Variants in DIAPH3 observed in about 807,000 individuals in gnomAD.
DIAPH3 encodes protein diaphanous homolog 3.
In DIAPH3, 117 loss-of-function variants were observed where a neutral mutation model predicts 144.3. The observed-to-expected ratio is 0.81, with a 90% CI of 0.70 to 0.95. The LOEUF is 0.95. Among genes scored for constraint, DIAPH3 ranks in the 40% least tolerant of loss-of-function variants. The pLI, the probability that DIAPH3 is intolerant of heterozygous loss-of-function variation, is 0.00. For missense variants in DIAPH3, 1,421 were observed against 1,412.7 expected, an observed-to-expected ratio of 1.01 and a Z score of -0.09; for synonymous variants, 519 against 488.9, an observed-to-expected ratio of 1.06 and a Z score of -0.81.
intron 1 of DIAPH3, among the ~76,000 whole-genome samples, chr13:60,137,304 C>T (rs1375293246): frequency 1.3e-5 from 2 of 152,146 alleles, no homozygotes; most frequent in African/African-American, 2.4e-5. Flanking sequence ...TTAAGCAATG[C>T]ATCAAAACTT....
intron 14 of DIAPH3, among the ~76,000 whole-genome samples, chr13:59,976,916 T>A (rs2050708869): frequency 6.6e-6 from 1 of 151,876 alleles, no homozygotes; most frequent in Admixed American, 6.6e-5. Flanking sequence ...CTACAAGATT[T>A]GTTTTTTGAA....
At chr13:59,690,577 G>A (rs1023139375) in intron 27 of DIAPH3, among the ~76,000 whole-genome samples, 1 of 152,094 alleles carries the variant, frequency 6.6e-6, no homozygotes, top group Non-Finnish European at 1.5e-5. Context: ...GCTACATTAT[G>A]GGTTAAATAG....
At chr13:59,926,139 C>T (rs1452818229) in intron 17 of DIAPH3, among the ~76,000 whole-genome samples, 1 of 151,980 alleles carries the variant, frequency 6.6e-6, no homozygotes, top group Non-Finnish European at 1.5e-5. Flanking sequence ...ATGTGTGCCA[C>T]CACATTCAGC....
chr13:59,964,961 C>T (rs780978802), intron 17 of DIAPH3, among the ~76,000 whole-genome samples: 6 of 152,084 alleles, frequency 3.9e-5, no homozygotes, highest in Non-Finnish European at 5.9e-5. Flanking sequence ...TATTAGCATG[C>T]ATTACAAAAA....
chr13:59,756,895 A>G (rs1012833844), intron 27 of DIAPH3, among the ~76,000 whole-genome samples: 2 of 152,216 alleles, frequency 1.3e-5, no homozygotes, highest in African/African-American at 4.8e-5. Flanking sequence ...AATCATCACA[A>G]ACAGTAATAA....
At chr13:60,126,115 A>C (rs998761575) in intron 2 of DIAPH3, among the ~76,000 whole-genome samples, 4 of 152,216 alleles carry the variant, frequency 2.6e-5, no homozygotes, top group African/African-American at 9.6e-5. Context: ...AAAACTTCAG[A>C]GGTGATTACC....
intron 20 of DIAPH3, among the ~76,000 whole-genome samples, chr13:59,904,315 C>CT (rs1435015469): frequency 1.3e-5 from 2 of 152,106 alleles, no homozygotes; most frequent in Non-Finnish European, 2.9e-5. Flanking sequence ...TAATGGGTAT[C>CT]TTCATTATCT....
intron 3 of DIAPH3, among the ~76,000 whole-genome samples, chr13:60,101,796 A>G (rs919079166): frequency 6.6e-6 from 1 of 152,042 alleles, no homozygotes; most frequent in Non-Finnish European, 1.5e-5. Context: ...TCAATCTTCC[A>G]TCTTGCCACT....
intron 4 of DIAPH3, among the ~76,000 whole-genome samples, chr13:60,070,524 CA>C (rs1407259013): frequency 6.6e-6 from 1 of 151,934 alleles, no homozygotes; most frequent in Non-Finnish European, 1.5e-5. Flanking sequence ...CTGCAGTCTG[CA>C]AAAAGGACAT....
At chr13:59,939,726 G>T (rs1193090392) in intron 17 of DIAPH3, among the ~76,000 whole-genome samples, 1 of 152,144 alleles carries the variant, frequency 6.6e-6, no homozygotes, top group African/African-American at 2.4e-5. Flanking sequence ...ATCTAGGTTT[G>T]TTGTGGATCC....
intron 5 of DIAPH3, among the ~76,000 whole-genome samples, chr13:60,019,766 A>C (rs1047486218): frequency 6.6e-6 from 1 of 152,166 alleles, no homozygotes; most frequent in Non-Finnish European, 1.5e-5. Context: ...GGTTTCTGAC[A>C]TGTTGTTGGC....
intron 4 of DIAPH3, among the ~76,000 whole-genome samples, chr13:60,071,082 G>A (rs1289443179): frequency 4.6e-5 from 7 of 151,970 alleles, no homozygotes; most frequent in Non-Finnish European, 1.0e-4. Flanking sequence ...AAAAGTTATG[G>A]ATACAATGGC....
rs115272718 is a variant in DIAPH3, at chr13:59,684,568, A to G, written c.3320-17722T>C. Among the ~76,000 whole-genome samples the G allele has an allele frequency of 9.6e-3, 1,460 of 152,298 alleles. 16 individuals are homozygous for G. The highest frequency in any genetic ancestry group is 0.033 in the African/African-American group (1,368 of 41,564). On this transcript the variant is annotated intron_variant, in intron 27 of 27. Coordinates refer to ENST00000400324, the MANE Select transcript of DIAPH3 (RefSeq NM_001042517.2). ...CAAGCTAAGCCTACAAAGGATTTTT[A>G]TGACAAAAACAACATATGCAAAAGC...
At chr13:59,979,588 G>A (rs1305217697) in intron 14 of DIAPH3, among the ~76,000 whole-genome samples, 3 of 151,612 alleles carry the variant, frequency 2.0e-5, no homozygotes, top group South Asian at 2.1e-4. Context: ...CTCATTTAGC[G>A]TTTGGTAAAG....
At position 59,983,796 on chromosome 13, in the gene DIAPH3, G is replaced by A. The variant is rs769078988; in HGVS notation, c.1453C>T (p.Leu485=). ...MDPDFTYRKR[L]DLDLTQFVDI... is the part of the protein sequence containing the mutation. ...ACAAACTGGGTTAAATCTAAATCTA[G>A]TCTTTTTCGATATGTGAAGTCTGGA... Residue 485 remains leucine (L), a synonymous_variant, in exon 13 of 28, where the codon CTA becomes TTA. Transcript: ENST00000400324. The A allele has an allele frequency of 1.9e-6, 3 of 1,606,682 alleles. No individual in the cohort carries two copies. The highest frequency in any genetic ancestry group is 1.1e-5 in the South Asian group (1 of 90,858).
chr13:59,980,856 A>G lies in DIAPH3; in HGVS notation c.1484T>C (p.Ile495Thr). Residue 495 changes from isoleucine to threonine, a missense_variant, in exon 14 of 28, where the codon ATT (isoleucine) becomes ACT (threonine). By Grantham distance (89) the Ile-to-Thr change is moderately conservative. Transcript: ENST00000400324. ...LDLDLTQFVD[I>T]CIDQAKLEEF... ...TTCTAGTTTTGCTTGATCTATGCAA[A>G]TGTCTAAAATTGCAATGACAGGAAA... 1.2e-6 allele frequency: 2 copies of G among 1,608,472 alleles called. No homozygotes were observed. Among genetic ancestry groups the G allele is most frequent in the African/African-American group, 1.3e-5 (1 of 74,742 alleles).
At chr13:59,792,485 G>T (rs1358937763) in intron 25 of DIAPH3, among the ~76,000 whole-genome samples, 1 of 152,126 alleles carries the variant, frequency 6.6e-6, no homozygotes, top group African/African-American at 2.4e-5. Context: ...CCAACACCAG[G>T]TCCTAAGAGT....
intron 4 of DIAPH3, among the ~76,000 whole-genome samples, chr13:60,082,768 A>G (rs1481181980): frequency 1.3e-5 from 2 of 152,106 alleles, no homozygotes; most frequent in African/African-American, 4.8e-5. Context: ...CAGAAATAAC[A>G]TAAGGACCAT....
chr13:59,760,600 A>AT (rs1187575209), intron 27 of DIAPH3, among the ~76,000 whole-genome samples: 2 of 152,200 alleles, frequency 1.3e-5, no homozygotes, highest in African/African-American at 4.8e-5. Flanking sequence ...CTTCGTTGTT[A>AT]TTTGCATATC....
Sources: allele counts gnomAD v4.1 joint callset (sites outside exome capture counted in the v4.1 genomes callset), GRCh38; gene constraint gnomAD v4.1.1; transcripts MANE v1.5; gene names NCBI Gene and HGNC (gene_info 2026-07-23, HGNC 2026-07-21).